AXIN1: variants seen among roughly 807,000 people sequenced by gnomAD.
AXIN1 encodes the protein axin-1.
Under a neutral mutation model 76.4 loss-of-function variants are expected in AXIN1, and 30 were observed. That is an observed-to-expected ratio of 0.39 (90% CI 0.29 to 0.53). The LOEUF is 0.53. Among genes scored for constraint, AXIN1 ranks in the 20% least tolerant of loss-of-function variants. The pLI, the probability that AXIN1 is intolerant of heterozygous loss-of-function variation, is 0.66. For missense variants in AXIN1, 1,140 were observed against 1,198.8 expected (o/e 0.95, Z 0.72); for synonymous variants, 545 against 501.4 (o/e 1.09, Z -1.16).
chr16:304,878 G>C (rs981565786), intron 4 of AXIN1, among the ~76,000 whole-genome samples: 1 of 152,174 alleles, frequency 6.6e-6, no homozygotes, highest in Non-Finnish European at 1.5e-5. Context: ...CCTCCTTTCA[G>C]TTGGGAATCA....
At chr16:323,488 C>T (rs974957529) in intron 2 of AXIN1, among the ~76,000 whole-genome samples, 2 of 141,400 alleles carry the variant, frequency 1.4e-5, no homozygotes, top group African/African-American at 5.3e-5. Context: ...TTAAAAAAAA[C>T]AAAACAAAAC....
chr16:295,519 T>A (rs2052687579), intron 7 of AXIN1, among the ~76,000 whole-genome samples: 1 of 151,714 alleles, frequency 6.6e-6, no homozygotes, highest in African/African-American at 2.4e-5. Flanking sequence ...CCACTGCACT[T>A]CAGCCAGGGT....
intron 2 of AXIN1, among the ~76,000 whole-genome samples, chr16:320,924 GA>G (rs1218768300): frequency 2.0e-5 from 3 of 151,860 alleles, no homozygotes; most frequent in Admixed American, 6.6e-5. Flanking sequence ...ATTTTTAGTA[GA>G]GACAAGGTTT....
intron 1 of AXIN1, among the ~76,000 whole-genome samples, chr16:348,795 T>G (rs1480780366): frequency 4.1e-5 from 6 of 148,052 alleles, no homozygotes; most frequent in Non-Finnish European, 7.5e-5. Context: ...CAGAGCAAGA[T>G]CCTGTCTCTA....
intron 7 of AXIN1, among the ~76,000 whole-genome samples, chr16:294,972 G>A (rs991258111): frequency 1.2e-4 from 18 of 149,156 alleles, no homozygotes; most frequent in Non-Finnish European, 2.2e-4. Context: ...GCTGAGGCAG[G>A]AGAATGGCAT....
In AXIN1 at chr16:304,413, C is replaced by A. The variant is rs150141520; in HGVS notation, c.1145G>T (p.Arg382Leu). The A allele has an allele frequency of 1.3e-5, 21 of 1,612,722 alleles. No homozygotes were observed. The highest frequency in any genetic ancestry group is 1.7e-5 in the Non-Finnish European group (20 of 1,179,956). The stretch of plus-strand genomic sequence containing the variant: ...CTCCGCGAACTTCTGAGGCTCCACG[C>A]GGACCTCCTTCGGCACCCGGTACGT... ...PRTYRVPKEV[R>L]VEPQKFAEEL... The change falls in exon 5 of 11, where the codon CGC (arginine) becomes CTC (leucine). Residue 382 changes from arginine (R) to leucine (L), a missense_variant. Coordinates refer to ENST00000262320, the MANE Select transcript of AXIN1 (RefSeq NM_003502.4).
intron 2 of AXIN1, among the ~76,000 whole-genome samples, chr16:320,240 C>A (rs1368214402): frequency 1.3e-5 from 2 of 152,140 alleles, no homozygotes; most frequent in Non-Finnish European, 2.9e-5. Flanking sequence ...TAGATGAGGT[C>A]TCACTATGTC....
intron 5 of AXIN1, among the ~76,000 whole-genome samples, chr16:303,875 A>C (rs975222668): frequency 1.3e-5 from 2 of 151,890 alleles, no homozygotes; most frequent in Admixed American, 6.6e-5. Context: ...GAGGTGGCAG[A>C]AAGTCTCAGG....
At chr16:320,745 T>A (rs186747889) in intron 2 of AXIN1, among the ~76,000 whole-genome samples, 2,871 of 100,022 alleles carry the variant, frequency 0.029, 34 homozygotes, top group Non-Finnish European at 0.038. Context: ...ATATATATAT[T>A]TTTTTTTTTT....
intron 8 of AXIN1, chr16:291,748 G>C: frequency 9.8e-6 from 3 of 305,952 alleles, no homozygotes; most frequent in Non-Finnish European, 1.9e-5. Flanking sequence ...CGCCACAACT[G>C]AGGCCATCCT....
chr16:311,313 C>T (rs571344066), intron 3 of AXIN1, among the ~76,000 whole-genome samples: 2 of 151,678 alleles, frequency 1.3e-5, no homozygotes, highest in Non-Finnish European at 2.9e-5. Flanking sequence ...TACAGGCATG[C>T]GCCACCGCGC....
Position 298,030 on chromosome 16 carries a change from G to A in AXIN1, c.1476C>T (p.Arg492=), listed in dbSNP as rs556005691. ...PGRQSPGPGH[R]SPDSGHVAKM... ...TGGCCACGTGCCCACTGTCCGGGGA[G>A]CGATGGCCAGGCCCAGGCGACTGGC... Residue 492 remains arginine, a synonymous_variant, in exon 6 of 11, where the codon CGC becomes CGT. Coordinates refer to ENST00000262320, the MANE Select transcript of AXIN1 (RefSeq NM_003502.4). 1.3e-6 allele frequency: 2 copies of A among 1,592,170 alleles called. No homozygotes were observed. Among genetic ancestry groups the A allele is most frequent in the Admixed American group, 3.4e-5 (2 of 58,824 alleles).
intron 10 of AXIN1, 148 bp from the exon 11 acceptor site, chr16:288,396 G>A: frequency 8.5e-7 from 1 of 1,183,262 alleles, no homozygotes; most frequent in Non-Finnish European, 1.2e-6. Context: ...CCCCCTCCCA[G>A]GGCAACAGTG....
At chr16:342,950 A>G (rs1597117618) in intron 2 of AXIN1, among the ~76,000 whole-genome samples, 1 of 152,338 alleles carries the variant, frequency 6.6e-6, no homozygotes, top group South Asian at 2.1e-4. Context: ...CCTCACCTAC[A>G]CCTGGCAGGA....
chr16:294,456 A>G (rs1232363223), intron 7 of AXIN1, among the ~76,000 whole-genome samples: 2 of 97,022 alleles, frequency 2.1e-5, no homozygotes, highest in Non-Finnish European at 4.0e-5. Context: ...GTGAGACTCC[A>G]TCTCAAAAAA....
intron 5 of AXIN1, among the ~76,000 whole-genome samples, chr16:299,478 G>A (rs1169114607): frequency 2.8e-5 from 4 of 141,150 alleles, no homozygotes; most frequent in African/African-American, 8.0e-5. Flanking sequence ...TCAGCCTACC[G>A]AGTAGCTGGG....
intron 1 of AXIN1, among the ~76,000 whole-genome samples, chr16:350,526 G>A (rs1247380841): frequency 2.0e-5 from 3 of 152,104 alleles, no homozygotes; most frequent in African/African-American, 7.2e-5. Flanking sequence ...TGCTACCTAC[G>A]TGTGTAGGTA....
intron 2 of AXIN1, among the ~76,000 whole-genome samples, chr16:332,445 CGG>C (rs1168218705): frequency 6.6e-6 from 1 of 151,664 alleles, no homozygotes; most frequent in Non-Finnish European, 1.5e-5. Context: ...GGCGTGGTGG[CGG>C]GCGCCTGTAG....
At chr16:302,592 C>A (rs2052902581) in intron 5 of AXIN1, among the ~76,000 whole-genome samples, 1 of 152,138 alleles carries the variant, frequency 6.6e-6, no homozygotes, top group Admixed American at 6.5e-5. Context: ...CAGATGGGCA[C>A]CACCAGCGGC....
Sources: allele counts gnomAD v4.1 joint callset (sites outside exome capture counted in the v4.1 genomes callset), GRCh38; gene constraint gnomAD v4.1.1; transcripts MANE v1.5; gene names NCBI Gene and HGNC (gene_info 2026-07-23, HGNC 2026-07-21).